RYR3: variants seen among roughly 807,000 people sequenced by gnomAD.
RYR3 encodes ryanodine receptor 3, also known as brain ryanodine receptor-calcium release channel.
A neutral mutation model predicts 584.3 loss-of-function variants in RYR3; 207 were observed. The observed-to-expected ratio is 0.35, with a 90% CI of 0.32 to 0.40. RYR3 has a LOEUF of 0.40. Ranked by LOEUF, RYR3 falls within the 10% of genes least tolerant of loss-of-function variation. The pLI, the probability that RYR3 is intolerant of heterozygous loss-of-function variation, is 1.00. For missense variants in RYR3, 5,616 were observed against 6,089.2 expected, an observed-to-expected ratio of 0.92 and a Z score of 2.59; for synonymous variants, 2,416 against 2,248.5, an observed-to-expected ratio of 1.07 and a Z score of -2.11.
At chr15:33,387,539 T>C (rs977997708) in intron 1 of RYR3, among the ~76,000 whole-genome samples, 1 of 152,126 alleles carries the variant, frequency 6.6e-6, no homozygotes, top group African/African-American at 2.4e-5. Context: ...GGGCATAAGG[T>C]ACCTGTCAGT....
At chr15:33,835,152 T>C in intron 87 of RYR3, 80 bp downstream of exon 87, 1 of 1,084,602 alleles carries the variant, frequency 9.2e-7, no homozygotes, top group Non-Finnish European at 1.4e-6. Context: ...CCCATTGTGA[T>C]GTGGCTGCTT....
intron 43 of RYR3, among the ~76,000 whole-genome samples, chr15:33,715,518 T>C (rs2067430796): frequency 1.3e-5 from 2 of 152,338 alleles, no homozygotes; most frequent in Non-Finnish European, 2.9e-5. Context: ...TGCAGCTGGA[T>C]TCTTAACATC....
chr15:33,397,263 G>C (rs1246477038), intron 1 of RYR3, among the ~76,000 whole-genome samples: 1 of 152,184 alleles, frequency 6.6e-6, no homozygotes, highest in African/African-American at 2.4e-5. Flanking sequence ...GAACAGGTTG[G>C]CTAAATGTAC....
chr15:33,516,988 TTTA>T (rs758912762), intron 3 of RYR3, among the ~76,000 whole-genome samples: 5 of 152,082 alleles, frequency 3.3e-5, no homozygotes, highest in Non-Finnish European at 5.9e-5. Context: ...TACCTTTTAT[TTTA>T]TTATTATTAT....
intron 2 of RYR3, among the ~76,000 whole-genome samples, chr15:33,475,809 C>T (rs572148686): frequency 6.6e-6 from 1 of 152,244 alleles, no homozygotes; most frequent in Admixed American, 6.5e-5. Context: ...CAAATGGGTT[C>T]GTAAATCGCC....
chr15:33,493,304 C>A (rs1449686892), intron 2 of RYR3, among the ~76,000 whole-genome samples: 1 of 152,146 alleles, frequency 6.6e-6, no homozygotes, highest in Non-Finnish European at 1.5e-5. Context: ...TGCCTTTTCT[C>A]TCTCCTGGCC....
At chr15:33,435,857 G>A (rs775522476) in intron 1 of RYR3, among the ~76,000 whole-genome samples, 6 of 152,176 alleles carry the variant, frequency 3.9e-5, no homozygotes, top group Admixed American at 1.3e-4. Context: ...CTTCCACAGC[G>A]TGGCAAGGAA....
intron 3 of RYR3, among the ~76,000 whole-genome samples, chr15:33,518,448 T>C (rs538960834): frequency 3.9e-5 from 6 of 152,222 alleles, no homozygotes; most frequent in African/African-American, 7.2e-5. Flanking sequence ...CTTGGTGTTT[T>C]TGAGCTGGCC....
chr15:33,704,640 G>T (rs541301993), intron 42 of RYR3, among the ~76,000 whole-genome samples: 1 of 152,214 alleles, frequency 6.6e-6, no homozygotes, highest in Non-Finnish European at 1.5e-5. Context: ...GACGATAACC[G>T]ATGCTTGTGT....
chr15:33,613,910 C>A (rs1251076501), intron 19 of RYR3, among the ~76,000 whole-genome samples: 1 of 152,074 alleles, frequency 6.6e-6, no homozygotes, highest in Admixed American at 6.6e-5. Context: ...CATATAATAG[C>A]CCTTTATTTG....
chr15:33,773,907 T>G (rs1163953603), intron 64 of RYR3, among the ~76,000 whole-genome samples: 1 of 152,218 alleles, frequency 6.6e-6, no homozygotes, highest in Non-Finnish European at 1.5e-5. Flanking sequence ...TGGAGATATG[T>G]CTGCTTCTTC....
chr15:33,488,744 C>G (rs1003008450), intron 2 of RYR3, among the ~76,000 whole-genome samples: 14 of 152,006 alleles, frequency 9.2e-5, no homozygotes, highest in African/African-American at 3.1e-4. Flanking sequence ...TCCAGCTATT[C>G]GGGAGGCTGA....
Position 33,722,780 on chromosome 15 carries a change from G to C in RYR3, c.6685G>C (p.Gly2229Arg), listed in dbSNP as rs763545124. The C allele has an allele frequency of 6.2e-7, 1 of 1,613,350 alleles. No individual in the cohort carries two copies. The highest frequency in any genetic ancestry group is 8.5e-7 in the Non-Finnish European group (1 of 1,179,666). The change falls in exon 44 of 104, where the codon GGC becomes CGC. Residue 2229 changes from glycine (G) to arginine (R), a missense_variant. Gly to Arg is a moderately radical substitution (Grantham distance 125). This residue lies in a region of RYR3 where 1,280 missense variants were observed against 1,426.2 expected (regional missense o/e 0.90). Coordinates refer to ENST00000634891, the MANE Select transcript of RYR3 (RefSeq NM_001036.6). Reference protein sequence around the residue: ...KLLIRRPECFGPALRGEGGNG... With the variant: ...KLLIRRPECFRPALRGEGGNG... ...GCTCATCAGACGCCCAGAGTGCTTC[G>C]GCCCGGCCCTGCGGGGTGAGGGGGG...
intron 1 of RYR3, among the ~76,000 whole-genome samples, chr15:33,434,164 T>A (rs781610355): frequency 1.1e-4 from 16 of 152,210 alleles, no homozygotes; most frequent in Non-Finnish European, 2.1e-4. Flanking sequence ...CAAGGTCTCT[T>A]TCCTAAGTTG....
At chr15:33,740,821 T>G (rs1444989172) in intron 51 of RYR3, among the ~76,000 whole-genome samples, 1 of 152,250 alleles carries the variant, frequency 6.6e-6, no homozygotes, top group Non-Finnish European at 1.5e-5. Flanking sequence ...GGGGACTGTC[T>G]GCTTTGATCA....
At chr15:33,698,043 G>T in intron 40 of RYR3, 47 bp downstream of exon 40, 1 of 1,360,002 alleles carries the variant, frequency 7.4e-7, no homozygotes, top group South Asian at 1.2e-5. Context: ...CTTGAGGCAG[G>T]AGCACGAGGT....
intron 27 of RYR3, among the ~76,000 whole-genome samples, chr15:33,637,022 T>C (rs1214086030): frequency 6.6e-6 from 1 of 152,256 alleles, no homozygotes; most frequent in Non-Finnish European, 1.5e-5. Flanking sequence ...GCTATTTCCT[T>C]GAATGAAATA....
chr15:33,376,173 C>T (rs2040726130), intron 1 of RYR3, among the ~76,000 whole-genome samples: 1 of 152,154 alleles, frequency 6.6e-6, no homozygotes, highest in Non-Finnish European at 1.5e-5. Context: ...ATTTCTAGCA[C>T]CATGGTTTTA....
At chr15:33,553,465 T>G (rs1320673767) in intron 10 of RYR3, among the ~76,000 whole-genome samples, 1 of 152,084 alleles carries the variant, frequency 6.6e-6, no homozygotes, top group African/African-American at 2.4e-5. Context: ...GTGCATAAGA[T>G]GGAGGTGTGA....
Sources: allele counts gnomAD v4.1 joint callset (sites outside exome capture counted in the v4.1 genomes callset), GRCh38; gene constraint gnomAD v4.1.1; regional missense constraint gnomAD v4.1.1; transcripts MANE v1.5; gene names NCBI Gene and HGNC (gene_info 2026-07-23, HGNC 2026-07-21).